The following TBC1D9B variants were observed in gnomAD, a reference collection of about 807,000 sequenced individuals.
TBC1D9B encodes TBC1 domain family, member 9B (with GRAM domain).
Under a neutral mutation model 121.1 loss-of-function variants are expected in TBC1D9B, and 87 were observed. The observed-to-expected ratio is 0.72, with a 90% confidence interval of 0.60 to 0.86. TBC1D9B has a LOEUF of 0.86. Ranked by LOEUF, TBC1D9B falls within the 40% of genes least tolerant of loss-of-function variation. The pLI is 0.00. For synonymous variants in TBC1D9B, 668 were observed against 670.1 expected, an observed-to-expected ratio of 1.00 and a Z score of 0.05; for missense variants, 1,540 against 1,628.6, an observed-to-expected ratio of 0.95 and a Z score of 0.94.
chr5:179,872,472 C>A, intron 14 of TBC1D9B: 1 of 195,480 alleles, frequency 5.1e-6, no homozygotes, highest in Non-Finnish European at 1.1e-5. Flanking sequence ...TCTTGCAGCA[C>A]AGGGTGGCAG....
At chr5:179,894,744 A>G (rs1760974670) in intron 3 of TBC1D9B, 130 bp from the exon 4 acceptor site, 1 of 816,744 alleles carries the variant, frequency 1.2e-6, no homozygotes, top group South Asian at 1.8e-5. Context: ...AGCTGGGAAC[A>G]GTCAGTGGCT....
At position 179,891,467 on chromosome 5, in the gene TBC1D9B, A is replaced by T; in HGVS notation, c.956T>A (p.Ile319Asn). The change falls in exon 6 of 21, where the codon ATC becomes AAC. Residue 319 changes from isoleucine (I) to asparagine (N), a missense_variant. Coordinates refer to ENST00000355235, the MANE Select transcript of TBC1D9B (RefSeq NM_015043.4). The surrounding 1 kb of genome is among the most constrained non-coding windows in gnomAD (Gnocchi z 4.3). ...GTTGGAGATGAACATCTGGCCAGGG[A>T]TGTGCAGCTTGTTGAACGGCGTCCA... ...TLWTPFNKLH[I>N]PGQMFISNNY... The T allele has an allele frequency of 6.2e-7, 1 of 1,614,188 alleles. No homozygotes were observed. The highest frequency in any genetic ancestry group is 1.1e-5 in the South Asian group (1 of 91,082).
chr5:179,885,589 C>G lies in TBC1D9B; in HGVS notation c.1254+2514G>C, dbSNP rs1561642205. Among the ~76,000 whole-genome samples the G allele has an allele frequency of 8.0e-6, 1 of 124,394 alleles. No homozygotes were observed. The highest frequency in any genetic ancestry group is 1.7e-5 in the Non-Finnish European group (1 of 58,186). 81.6% of individuals were successfully genotyped at this position (124,394 alleles called of 152,430 possible). A position where few individuals can be genotyped will look rare whatever the true frequency, so the allele number is the denominator to read the frequency against. ...AGGTGACAGAGCAAGACTCTGTCCC[C>G]CCCCCAAAAAAAAAAAGATGGAGGT... is the stretch of plus-strand genomic sequence containing the variant. On this transcript the variant is annotated intron_variant, in intron 7 of 20. Coordinates refer to ENST00000355235, the MANE Select transcript of TBC1D9B (RefSeq NM_015043.4). The surrounding 1 kb of genome is among the most constrained non-coding windows in gnomAD (Gnocchi z 4.5).
At chr5:179,867,235 G>A (rs1277558540) in intron 18 of TBC1D9B, 4 of 540,984 alleles carry the variant, frequency 7.4e-6, no homozygotes, top group Non-Finnish European at 1.3e-5. Flanking sequence ...CCTGCTTGGC[G>A]CCTAGTGTGG....
At chr5:179,870,117 T>C in intron 16 of TBC1D9B, 138 bp downstream of exon 16, 1 of 1,424,286 alleles carries the variant, frequency 7.0e-7, no homozygotes, top group Non-Finnish European at 9.5e-7. Flanking sequence ...TAAACTGTTC[T>C]TCCCGTATCT....
rs532965863 is a variant in TBC1D9B, at chr5:179,874,400, G to A, written c.2186+502C>T. ...GAGATGGGATGTGGGGACTAAGGAG[G>A]GGGTGGAGGGGCTGGGATGACCCTG... On this transcript the variant is annotated intron_variant, in intron 12 of 20. Coordinates refer to ENST00000355235, the MANE Select transcript of TBC1D9B (RefSeq NM_015043.4). The surrounding 1 kb of genome is among the most constrained non-coding windows in gnomAD (Gnocchi z 4.3). Among the ~76,000 whole-genome samples the A allele has an allele frequency of 2.6e-5, 4 of 152,130 alleles. No individual in the cohort carries two copies. The highest frequency in any genetic ancestry group is 9.7e-5 in the African/African-American group (4 of 41,418).
intron 1 of TBC1D9B, among the ~76,000 whole-genome samples, chr5:179,906,292 G>C (rs1761312603): frequency 6.6e-6 from 1 of 152,158 alleles, no homozygotes; most frequent in Non-Finnish European, 1.5e-5. Context: ...GATTGGGAGA[G>C]GGTTCAAAGA....
intron 2 of TBC1D9B, among the ~76,000 whole-genome samples, chr5:179,901,274 C>T (rs1248288617): frequency 6.6e-6 from 1 of 152,118 alleles, no homozygotes; most frequent in Non-Finnish European, 1.5e-5. Context: ...CTATTACAGC[C>T]TCCTTTCCCT....
Position 179,904,631 on chromosome 5 carries a change from C to A in TBC1D9B, c.229+71G>T, listed in dbSNP as rs935865842. 1.3e-5 allele frequency: 18 copies of A among 1,340,244 alleles called. No homozygotes were observed. The highest frequency in any genetic ancestry group is 4.0e-5 in the Admixed American group (2 of 49,468). The allele number at this position is 1,340,244 out of a possible 1,614,324, so 83.0% of individuals were successfully genotyped here. A position where few individuals can be genotyped will look rare whatever the true frequency, so the allele number is the denominator to read the frequency against. On this transcript the variant is annotated intron_variant, in intron 2 of 20. Transcript: ENST00000355235. This position sits in a 1 kb window ranked among gnomAD's most constrained non-coding sequence, Gnocchi z 4.2. The stretch of plus-strand genomic sequence containing the variant: ...ACCACCCAGACACGTGGGCTACACA[C>A]CCCTTCCTCTCGGCAACGGCCCTTC...
In TBC1D9B at chr5:179,904,204, T is replaced by C. The variant is rs1761238331; in HGVS notation, c.229+498A>G. On this transcript the variant is annotated intron_variant, in intron 2 of 20. Transcript: ENST00000355235. This position sits in a 1 kb window ranked among gnomAD's most constrained non-coding sequence, Gnocchi z 4.2. Reference sequence around the variant, plus strand: ...GCTGTCCTCTCCTGCCCTGTCCCCATGACCAGTGGAGCTGCCTTTTTTTTT... The same window carrying C: ...GCTGTCCTCTCCTGCCCTGTCCCCACGACCAGTGGAGCTGCCTTTTTTTTT... Among the ~76,000 whole-genome samples the C allele has an allele frequency of 6.7e-6, 1 of 148,210 alleles. No individual in the cohort carries two copies.
chr5:179,900,969 G>A (rs190990277), intron 2 of TBC1D9B, among the ~76,000 whole-genome samples: 2 of 152,266 alleles, frequency 1.3e-5, no homozygotes, highest in East Asian at 1.9e-4. Context: ...GGCTGGGCCT[G>A]TCACCTGCTC....
At chr5:179,898,175 G>A (rs963532849) in intron 3 of TBC1D9B, among the ~76,000 whole-genome samples, 8 of 141,196 alleles carry the variant, frequency 5.7e-5, no homozygotes, top group South Asian at 2.2e-4. Context: ...TTTTTGAGAC[G>A]AAGTCTCATT....
Position 179,870,347 on chromosome 5 carries a change from G to T in TBC1D9B, c.2633C>A (p.Ser878Tyr), listed in dbSNP as rs770707214. 2.4e-5 allele frequency: 39 copies of T among 1,613,790 alleles called. No individual in the cohort carries two copies. Among genetic ancestry groups the T allele is most frequent in the Non-Finnish European group, 1.7e-6 (2 of 1,180,042 alleles). The change falls in exon 16 of 21, where the codon TCC becomes TAC. Residue 878 changes from serine (S) to tyrosine (Y), a missense_variant. Transcript: ENST00000355235. ...FASLTPWACG[S>Y]HTPLLAGRMF... is the part of the protein sequence containing the mutation. ...GCGCCCTGCCAGCAGAGGTGTGTGG[G>T]AGCCACAGGCCCAGGGTGTCAGGCT...
In TBC1D9B at chr5:179,879,752, G is replaced by C; in HGVS notation, c.1292C>G (p.Ala431Gly). The change falls in exon 8 of 21, where the codon GCC becomes GGC. Residue 431 changes from alanine to glycine, a missense_variant. Transcript: ENST00000355235. Reference protein sequence around the residue: ...PAPQEGSEQPASPASPLSSRQ... With the variant: ...PAPQEGSEQPGSPASPLSSRQ... Reference sequence around the variant, plus strand: ...GCTGCTGAGGGGAGAGGCTGGGCTGGCGGGCTGCTCCGACCCCTCCTGAGG... The same window carrying C: ...GCTGCTGAGGGGAGAGGCTGGGCTGCCGGGCTGCTCCGACCCCTCCTGAGG... 1 of 1,613,908 alleles carries C rather than the reference G, an allele frequency of 6.2e-7. No homozygotes were observed. Among genetic ancestry groups the C allele is most frequent in the Non-Finnish European group, 8.5e-7 (1 of 1,179,950 alleles).
intron 7 of TBC1D9B, among the ~76,000 whole-genome samples, chr5:179,887,379 C>T (rs951209843): frequency 6.6e-6 from 1 of 152,258 alleles, no homozygotes; most frequent in Non-Finnish European, 1.5e-5. Flanking sequence ...GGCTCTCGGT[C>T]TCACCGCTCA....
rs764831519 is a variant in TBC1D9B at position 179,904,653 on chromosome 5, C to T, written c.229+49G>A. ...ACACCCCTTCCTCTCGGCAACGGCC[C>T]TTCCAGGGCAGGCCCTGCCCAGCAC... On this transcript the variant is annotated intron_variant, in intron 2 of 20. Coordinates refer to ENST00000355235, the MANE Select transcript of TBC1D9B (RefSeq NM_015043.4). This position sits in a 1 kb window ranked among gnomAD's most constrained non-coding sequence, Gnocchi z 4.2. 1.9e-5 allele frequency: 28 copies of T among 1,511,406 alleles called. No homozygotes were observed. Among genetic ancestry groups the T allele is most frequent in the Non-Finnish European group, 2.4e-5 (27 of 1,114,176 alleles). The allele number at this position is 1,511,406 out of a possible 1,614,324, so 93.6% of individuals were successfully genotyped here.
intron 10 of TBC1D9B, 58 bp downstream of exon 10, chr5:179,878,251 T>C: frequency 6.5e-7 from 1 of 1,541,420 alleles, no homozygotes; most frequent in Non-Finnish European, 8.8e-7. Context: ...CACAGGGACC[T>C]GCTCCTGTGA....
intron 8 of TBC1D9B, 26 bp downstream of exon 8, chr5:179,879,602 C>T: frequency 6.2e-7 from 1 of 1,613,542 alleles, no homozygotes; most frequent in Non-Finnish European, 8.5e-7. Flanking sequence ...TTGACGGAGG[C>T]TGGAGTGCCG....
At chr5:179,881,269 C>T (rs551473705) in intron 7 of TBC1D9B, among the ~76,000 whole-genome samples, 1 of 152,168 alleles carries the variant, frequency 6.6e-6, no homozygotes, top group East Asian at 1.9e-4. Context: ...CCCTCTTCCC[C>T]GAGGTAACCA....
Sources: gnomAD v4.1 joint callset for allele counts (sites outside exome capture counted in the v4.1 genomes callset) on GRCh38, gnomAD v4.1.1 for gene constraint, Gnocchi (gnomAD v3.1) non-coding constraint, MANE v1.5 for transcripts, NCBI Gene and HGNC (gene_info 2026-07-23, HGNC 2026-07-21) for gene names.